The following SLC1A4 variants were observed in gnomAD, a reference collection of about 807,000 sequenced individuals.
SLC1A4 encodes the protein neutral amino acid transporter A.
In SLC1A4, 19 loss-of-function variants were observed where a neutral mutation model predicts 37.7. That is an observed-to-expected ratio of 0.50 (90% CI 0.35 to 0.74). The LOEUF is 0.74. Among genes scored for constraint, SLC1A4 ranks in the 30% least tolerant of loss-of-function variants. The probability of loss-of-function intolerance (pLI) is 0.01; values close to 1 mark genes in which losing one functional copy is unlikely to be tolerated. For synonymous variants in SLC1A4, 299 were observed against 309.8 expected (o/e 0.97, Z 0.37); for missense variants, 570 against 712.9 (o/e 0.80, Z 2.28).
rs912266011 is a variant in SLC1A4, at chr2:65,021,995, C to A, written c.*849C>A. The A allele has an allele frequency of 1.3e-5, 2 of 152,290 alleles. No homozygotes were observed. Among genetic ancestry groups the A allele is most frequent in the African/African-American group, 4.8e-5 (2 of 41,460 alleles). 9.4% of individuals were successfully genotyped at this position (152,290 alleles called of 1,614,324 possible). The stretch of plus-strand genomic sequence containing the variant: ...AACACTTTGGCTTTTTCTCCATTCA[C>A]GCTGATTTGGCAAAAGGCCAGAGAT... On this transcript the variant is annotated 3_prime_UTR_variant, in exon 8 of 8. Transcript: ENST00000234256.
chr2:64,992,409 A>C (rs974787047), intron 1 of SLC1A4, among the ~76,000 whole-genome samples: 10 of 152,132 alleles, frequency 6.6e-5, no homozygotes, highest in African/African-American at 2.4e-4. Context: ...TGTGGGTGCA[A>C]CTTTTCAATG....
intron 2 of SLC1A4, among the ~76,000 whole-genome samples, chr2:65,002,255 G>A (rs1426278221): frequency 9.4e-6 from 1 of 105,910 alleles, no homozygotes; most frequent in African/African-American, 3.7e-5. Context: ...ACTCCAGCCT[G>A]GGCAGCAGAG....
chr2:65,023,673 C>T lies in SLC1A4; in HGVS notation c.*2527C>T, dbSNP rs1159959292. The stretch of plus-strand genomic sequence containing the variant: ...CTTCCTGGTTTTCAGTCCACAGAGT[C>T]GGTAGACCAGGGGTTACGTGACTGG... On this transcript the variant is annotated 3_prime_UTR_variant, in exon 8 of 8. Transcript: ENST00000234256. 1 of 152,622 alleles carries T rather than the reference C, an allele frequency of 6.6e-6. No homozygotes were observed. Among genetic ancestry groups the T allele is most frequent in the Admixed American group, 6.5e-5 (1 of 15,268 alleles). The allele number at this position is 152,622 out of a possible 1,614,324, so 9.5% of individuals were successfully genotyped here. A position where few individuals can be genotyped will look rare whatever the true frequency, so the allele number is the denominator to read the frequency against.
intron 4 of SLC1A4, among the ~76,000 whole-genome samples, chr2:65,015,781 G>C (rs192513108): frequency 6.6e-6 from 1 of 152,224 alleles, no homozygotes; most frequent in East Asian, 1.9e-4. Flanking sequence ...TACAAATAAA[G>C]TCAGCAGTTA....
At chr2:64,992,747 G>T (rs181746460) in intron 1 of SLC1A4, among the ~76,000 whole-genome samples, 1 of 152,122 alleles carries the variant, frequency 6.6e-6, no homozygotes, top group East Asian at 1.9e-4. Context: ...CTAGTCTAGT[G>T]TGGCTATCTC....
intron 1 of SLC1A4, among the ~76,000 whole-genome samples, chr2:64,992,888 G>C (rs963896443): frequency 6.6e-6 from 1 of 152,198 alleles, no homozygotes; most frequent in Non-Finnish European, 1.5e-5. Context: ...GCACCGCTGA[G>C]GTTTGGTCTC....
intron 1 of SLC1A4, among the ~76,000 whole-genome samples, chr2:64,998,600 T>G (rs1011396992): frequency 6.6e-6 from 1 of 152,184 alleles, no homozygotes; most frequent in African/African-American, 2.4e-5. Flanking sequence ...AGACTAGATA[T>G]TGTAGACAGT....
intron 1 of SLC1A4, chr2:65,000,443 A>G (rs568749615): frequency 6.6e-5 from 10 of 152,360 alleles, no homozygotes; most frequent in South Asian, 2.1e-4. Context: ...ATGTGTCTCA[A>G]TATATACATG....
chr2:65,009,695 T>C (rs1297046781), intron 3 of SLC1A4, among the ~76,000 whole-genome samples: 5 of 152,222 alleles, frequency 3.3e-5, no homozygotes, highest in Non-Finnish European at 7.3e-5. Context: ...GATAAAATGT[T>C]TGTCTAATAT....
rs1674080810 is a variant in SLC1A4 at position 65,015,363 on chromosome 2, A to C, written c.801-1077A>C. 2.0e-5 allele frequency among the ~76,000 whole-genome samples: 3 copies of C among 152,200 alleles called. No individual in the cohort carries two copies. The South Asian group carries it at 6.2e-4, about 32-fold the overall frequency. ...CCACATTAAAAAATGAATGGGGTAG[A>C]TTTCTATGTATTGATATGAAAAGAT... On this transcript the variant is annotated intron_variant, in intron 4 of 7. Transcript: ENST00000234256.
chr2:65,000,690 G>GT (rs1558516972), intron 1 of SLC1A4: 1 of 152,210 alleles, frequency 6.6e-6, no homozygotes, highest in African/African-American at 2.4e-5. Flanking sequence ...AAAATTCAGC[G>GT]TATGTTCAAA....
In SLC1A4 at chr2:65,021,326, G is replaced by A. The variant is rs1001945837; in HGVS notation, c.*180G>A. The A allele has an allele frequency of 2.0e-5, 12 of 599,388 alleles. No individual in the cohort carries two copies. The highest frequency in any genetic ancestry group is 9.3e-5 in the African/African-American group (5 of 53,924). 37.1% of individuals were successfully genotyped at this position (599,388 alleles called of 1,614,324 possible). On this transcript the variant is annotated 3_prime_UTR_variant, in exon 8 of 8. Coordinates refer to ENST00000234256, the MANE Select transcript of SLC1A4 (RefSeq NM_003038.5). Reference sequence around the variant, plus strand: ...GGCATTGGGCTCCCCAGCCGGAACTGGTTACCAAGGACAAGGACACTCTGA... The same window carrying A: ...GGCATTGGGCTCCCCAGCCGGAACTAGTTACCAAGGACAAGGACACTCTGA...
rs1385646584 is a variant in SLC1A4, at chr2:65,010,654, C to T, written c.691C>T (p.Leu231=). Residue 231 remains leucine, a synonymous_variant, in exon 4 of 8, where the codon CTG becomes TTG. Coordinates refer to ENST00000234256, the MANE Select transcript of SLC1A4 (RefSeq NM_003038.5). The part of the protein sequence containing the change: ...MNILGLVLFA[L]VLGVALKKLG... The stretch of plus-strand genomic sequence containing the variant: ...CATTTTAGGATTGGTCCTGTTTGCT[C>T]TGGTGTTAGGAGTGGCCTTAAAGAA... 2 of 1,613,980 alleles carry T rather than the reference C, an allele frequency of 1.2e-6. No homozygotes were observed. Among genetic ancestry groups the T allele is most frequent in the African/African-American group, 2.7e-5 (2 of 74,906 alleles).
chr2:65,002,307 T>TAAATAAATAAATAAA (rs1572951802), intron 2 of SLC1A4, among the ~76,000 whole-genome samples: 3 of 57,634 alleles, frequency 5.2e-5, no homozygotes, highest in East Asian at 2.9e-3. Flanking sequence ...AAATAAATAA[T>TAAATAAATAAATAAA]AAAATAAAGA....
At chr2:65,013,299 C>T (rs952477633) in intron 4 of SLC1A4, among the ~76,000 whole-genome samples, 12 of 152,134 alleles carry the variant, frequency 7.9e-5, no homozygotes, top group African/African-American at 2.7e-4. Flanking sequence ...TTTGGCTCAC[C>T]GCAACCTCCG....
intron 2 of SLC1A4, 128 bp downstream of exon 2, chr2:65,001,618 T>C: frequency 1.4e-6 from 1 of 710,372 alleles, no homozygotes; most frequent in Non-Finnish European, 2.4e-6. Context: ...AAGATTGGCC[T>C]AAACTTTTAT....
intron 2 of SLC1A4, among the ~76,000 whole-genome samples, chr2:65,003,488 C>T (rs551029207): frequency 2.1e-4 from 32 of 152,140 alleles, no homozygotes; most frequent in Middle Eastern, 6.8e-3. Flanking sequence ...TAGAAAGAGA[C>T]GGTAGAAGCA....
At chr2:65,008,536 G>A (rs1313481175) in intron 3 of SLC1A4, among the ~76,000 whole-genome samples, 1 of 152,192 alleles carries the variant, frequency 6.6e-6, no homozygotes, top group Admixed American at 6.5e-5. Context: ...AGCTACTCAG[G>A]AGGCTGAGGT....
intron 4 of SLC1A4, among the ~76,000 whole-genome samples, chr2:65,016,217 C>T (rs1172271418): frequency 6.6e-6 from 1 of 152,188 alleles, no homozygotes; most frequent in Non-Finnish European, 1.5e-5. Flanking sequence ...GGTTCTGGTC[C>T]TGACTCTGTT....
Sources: gnomAD v4.1 joint callset for allele counts (sites outside exome capture counted in the v4.1 genomes callset) on GRCh38, gnomAD v4.1.1 for gene constraint, MANE v1.5 for transcripts, NCBI Gene and HGNC (gene_info 2026-07-23, HGNC 2026-07-21) for gene names.